The following TEX14 variants were observed in gnomAD, a reference collection of about 807,000 sequenced individuals.
TEX14 encodes testis expressed 14, intercellular bridge forming factor.
In TEX14, 168 loss-of-function variants were observed where a neutral mutation model predicts 178.6. That is an observed-to-expected ratio of 0.94 (90% CI 0.83 to 1.07). The LOEUF (loss-of-function observed/expected upper bound fraction) is 1.07. Among genes scored for constraint, TEX14 ranks in the 50% least tolerant of loss-of-function variants. The pLI is 0.00. For synonymous variants in TEX14, 626 were observed against 634.1 expected, an observed-to-expected ratio of 0.99 and a Z score of 0.19; for missense variants, 1,730 against 1,753.6, an observed-to-expected ratio of 0.99 and a Z score of 0.24.
intron 3 of TEX14, among the ~76,000 whole-genome samples, chr17:58,628,402 C>A (rs1294858934): frequency 6.6e-6 from 1 of 152,026 alleles, no homozygotes; most frequent in Non-Finnish European, 1.5e-5. Flanking sequence ...CATAGTGAAA[C>A]CCTGCCTCTA....
intron 10 of TEX14, among the ~76,000 whole-genome samples, chr17:58,605,649 C>T (rs1567731326): frequency 6.6e-6 from 1 of 152,208 alleles, no homozygotes; most frequent in Non-Finnish European, 1.5e-5. Context: ...CTCCAACATA[C>T]CTCATGTTCT....
intron 19 of TEX14, among the ~76,000 whole-genome samples, chr17:58,584,100 T>A (rs1400433788): frequency 6.6e-6 from 1 of 152,164 alleles, no homozygotes; most frequent in African/African-American, 2.4e-5. Flanking sequence ...GGTGCTGAGT[T>A]TGGCCCTTAG....
intron 2 of TEX14, among the ~76,000 whole-genome samples, chr17:58,643,874 CAAAAAAAAAAAAAA>C (rs71143262): frequency 7.3e-4 from 15 of 20,512 alleles, no homozygotes; most frequent in East Asian, 1.6e-3. Context: ...GACTCTGTCT[CAAAAAAAAAAAAAA>C]AAAAAAAAAA....
intron 3 of TEX14, among the ~76,000 whole-genome samples, chr17:58,628,785 T>G (rs1485222987): frequency 6.6e-6 from 1 of 150,842 alleles, no homozygotes; most frequent in Non-Finnish European, 1.5e-5. Context: ...CTTGGAAGGC[T>G]GAGGCAGAAG....
chr17:58,618,577 C>G (rs2045928764), intron 5 of TEX14, among the ~76,000 whole-genome samples: 1 of 152,228 alleles, frequency 6.6e-6, no homozygotes, highest in African/African-American at 2.4e-5. Flanking sequence ...CAGTTGAGTA[C>G]TTTCAGCTCA....
chr17:58,621,920 G>A (rs2046007915), intron 4 of TEX14, 134 bp from the exon 5 acceptor site: 2 of 998,486 alleles, frequency 2.0e-6, no homozygotes, highest in Non-Finnish European at 2.8e-6. Flanking sequence ...AAGGGCCCAG[G>A]TGATTTTCTA....
chr17:58,593,491 G>A, intron 15 of TEX14, 64 bp downstream of exon 15: 2 of 1,194,910 alleles, frequency 1.7e-6, no homozygotes, highest in Admixed American at 1.7e-5. Context: ...TCACTGAGTG[G>A]CCTCAGAGAC....
At chr17:58,630,953 A>G (rs575328009) in intron 2 of TEX14, among the ~76,000 whole-genome samples, 3 of 152,196 alleles carry the variant, frequency 2.0e-5, no homozygotes, top group African/African-American at 7.2e-5. Flanking sequence ...AAGTGTAAAG[A>G]CTAATTCGAC....
rs1567985819 is a variant in TEX14 at position 58,557,865 on chromosome 17, A to ATTT, written c.4268-16_4268-15insAAA. 2 of 1,607,410 alleles carry ATTT rather than the reference A, an allele frequency of 1.2e-6. No individual in the cohort carries two copies. The highest frequency in any genetic ancestry group is 1.7e-6 in the Non-Finnish European group (2 of 1,175,412). Reference sequence around the variant, plus strand: ...TTTTAGTTCATCTTGATGAAATATAAGAGGAAGGAAAAAACAACATGATTA... The same window carrying ATTT: ...TTTTAGTTCATCTTGATGAAATATAATTTGAGGAAGGAAAAAACAACATGATTA... On this transcript the variant is annotated splice_polypyrimidine_tract_variant and intron_variant, in intron 30 of 31. Transcript: ENST00000349033.
At chr17:58,581,595 G>C (rs1007538781) in intron 19 of TEX14, 1 of 1,612,696 alleles carries the variant, frequency 6.2e-7, no homozygotes, top group African/African-American at 1.3e-5. Context: ...ACTTTACCCT[G>C]AACTGCGTTT....
intron 19 of TEX14, among the ~76,000 whole-genome samples, chr17:58,584,084 G>A (rs1312923357): frequency 6.6e-6 from 1 of 152,214 alleles, no homozygotes; most frequent in Non-Finnish European, 1.5e-5. Context: ...CACTTCCACT[G>A]AGCTGGGTGC....
chr17:58,572,632 T>TA (rs1313175015), intron 23 of TEX14, among the ~76,000 whole-genome samples: 6,323 of 131,548 alleles, frequency 0.048, 166 homozygotes, highest in Non-Finnish European at 0.06. Flanking sequence ...ACTCTGTCTT[T>TA]AAAAAAAAAA....
At position 58,601,839 on chromosome 17, in the gene TEX14, G is replaced by A. The variant is rs1340366527; in HGVS notation, c.1645C>T (p.Pro549Ser). 4 of 1,613,202 alleles carry A rather than the reference G, an allele frequency of 2.5e-6. No homozygotes were observed. Among genetic ancestry groups the A allele is most frequent in the African/African-American group, 1.3e-5 (1 of 74,956 alleles). ...TTTAGTTCTATGATTTCCATGTCAG[G>A]TGTCTCTCTGGGGTGTTCTGAAGTC... is the stretch of plus-strand genomic sequence containing the variant. ...GLTSEHPRET[P>S]DMEIIELKEM... The change falls in exon 13 of 32, where the codon CCT becomes TCT. Residue 549 changes from proline (P) to serine (S), a missense_variant. Pro to Ser is a moderately conservative substitution (Grantham distance 74). Coordinates refer to ENST00000349033, the MANE Select transcript of TEX14 (RefSeq NM_031272.5).
intron 1 of TEX14, among the ~76,000 whole-genome samples, chr17:58,680,030 C>A (rs535336623): frequency 6.6e-6 from 1 of 152,166 alleles, no homozygotes; most frequent in East Asian, 1.9e-4. Context: ...CGTAAACTAG[C>A]TCCTGCCTTT....
At chr17:58,630,132 C>G (rs1340306616) in intron 3 of TEX14, among the ~76,000 whole-genome samples, 1 of 151,716 alleles carries the variant, frequency 6.6e-6, no homozygotes, top group East Asian at 2.0e-4. Flanking sequence ...TCTCGGCTCA[C>G]TGCAACCTCC....
At chr17:58,604,198 C>T (rs1190843693) in intron 11 of TEX14, among the ~76,000 whole-genome samples, 1 of 151,714 alleles carries the variant, frequency 6.6e-6, no homozygotes, top group Non-Finnish European at 1.5e-5. Flanking sequence ...TTCGGCCGGG[C>T]GTGGTGGCTC....
At chr17:58,626,890 C>G (rs1210284539) in intron 3 of TEX14, among the ~76,000 whole-genome samples, 1 of 152,048 alleles carries the variant, frequency 6.6e-6, no homozygotes, top group Non-Finnish European at 1.5e-5. Context: ...AGGAATAAAG[C>G]CTCCTCCCAG....
Position 58,570,490 on chromosome 17 carries a change from A to T in TEX14, c.3718-6T>A. 6.6e-7 allele frequency: 1 copy of T among 1,515,732 alleles called. No individual in the cohort carries two copies. The highest frequency in any genetic ancestry group is 2.7e-5 in the East Asian group (1 of 37,396). The allele number at this position is 1,515,732 out of a possible 1,614,324, so 93.9% of individuals were successfully genotyped here. ...ATAAATGAAGACAATCTTTTCTATAAGGAAGAGATAAACATGGTAACTGTC... is the reference window on the plus strand; with the variant it reads ...ATAAATGAAGACAATCTTTTCTATATGGAAGAGATAAACATGGTAACTGTC... On this transcript the variant is annotated splice_polypyrimidine_tract_variant and splice_region_variant and intron_variant, in intron 24 of 31. Transcript: ENST00000349033.
chr17:58,600,633 A>G (rs968051424), intron 13 of TEX14, among the ~76,000 whole-genome samples: 1 of 151,992 alleles, frequency 6.6e-6, no homozygotes, highest in African/African-American at 2.4e-5. Flanking sequence ...AAAACTAAAA[A>G]ATTTATGCTA....
Sources: allele counts gnomAD v4.1 joint callset (sites outside exome capture counted in the v4.1 genomes callset), GRCh38; gene constraint gnomAD v4.1.1; transcripts MANE v1.5; gene names NCBI Gene and HGNC (gene_info 2026-07-23, HGNC 2026-07-21).